The following PIK3C2G variants were observed in gnomAD, a reference collection of about 807,000 sequenced individuals.
PIK3C2G encodes phosphatidylinositol 3-kinase C2 domain-containing subunit gamma.
A neutral mutation model predicts 181.1 loss-of-function variants in PIK3C2G; 168 were observed. That is an observed-to-expected ratio of 0.93 (90% CI 0.82 to 1.05). The LOEUF (loss-of-function observed/expected upper bound fraction) is 1.05. Ranked by LOEUF, PIK3C2G falls within the 50% of genes least tolerant of loss-of-function variation. The pLI is 0.00. For synonymous variants in PIK3C2G, 573 were observed against 592.2 expected, an observed-to-expected ratio of 0.97 and a Z score of 0.47; for missense variants, 1,869 against 1,732.8, an observed-to-expected ratio of 1.08 and a Z score of -1.40.
chr12:18,539,707 T>C (rs189993448), intron 25 of PIK3C2G, among the ~76,000 whole-genome samples: 3 of 151,924 alleles, frequency 2.0e-5, no homozygotes, highest in East Asian at 3.9e-4. Flanking sequence ...AAGATTTGAT[T>C]TGGATTCTTG....
At chr12:18,325,854 C>T (rs1951323849) in intron 8 of PIK3C2G, among the ~76,000 whole-genome samples, 1 of 151,890 alleles carries the variant, frequency 6.6e-6, no homozygotes, top group African/African-American at 2.4e-5. Context: ...CAGACAGGGG[C>T]CAAATTATGT....
chr12:18,543,337 G>A (rs1007725810), intron 25 of PIK3C2G, among the ~76,000 whole-genome samples: 1 of 151,784 alleles, frequency 6.6e-6, no homozygotes, highest in African/African-American at 2.4e-5. Context: ...TCGTTCTGTA[G>A]GTTGCCCGTT....
chr12:18,491,730 G>A (rs1940590588), intron 20 of PIK3C2G, among the ~76,000 whole-genome samples, 172 bp downstream of exon 20: 1 of 151,730 alleles, frequency 6.6e-6, no homozygotes, highest in African/African-American at 2.4e-5. Flanking sequence ...ACTAAGACCA[G>A]TTGGGATCAC....
chr12:18,296,705 GACTC>G (rs768262436), intron 5 of PIK3C2G, among the ~76,000 whole-genome samples: 50 of 151,612 alleles, frequency 3.3e-4, no homozygotes, highest in Non-Finnish European at 6.0e-4. Context: ...AAAATATCCC[GACTC>G]ACTCATTCTT....
At chr12:18,494,466 T>A (rs1356653413) in intron 20 of PIK3C2G, among the ~76,000 whole-genome samples, 1 of 152,078 alleles carries the variant, frequency 6.6e-6, no homozygotes, top group Non-Finnish European at 1.5e-5. Context: ...GGAGATGTAG[T>A]GTTTCTTTTT....
chr12:18,702,039 G>A, the PIK3C2G span, among the ~76,000 whole-genome samples: 2 of 151,438 alleles, frequency 1.3e-5, no homozygotes, highest in African/African-American at 4.9e-5. Flanking sequence ...TTCCCAAGTT[G>A]GTACTATTCC....
Position 18,311,497 on chromosome 12 carries a change from C to A in PIK3C2G, c.1035-2465C>A, listed in dbSNP as rs1950634807. On this transcript the variant is annotated intron_variant, in intron 5 of 32. Transcript: ENST00000538779. ...ATATATCTCTATCTATATAGATAGA[C>A]ACACACATATATACACCTATATGGT... Among the ~76,000 whole-genome samples, 3 of 150,804 alleles carry A rather than the reference C, an allele frequency of 2.0e-5. No individual in the cohort carries two copies. In the South Asian group the frequency reaches 6.3e-4, roughly 32 times the overall value.
At chr12:18,485,100 TTC>T (rs1212920311) in intron 18 of PIK3C2G, among the ~76,000 whole-genome samples, 1 of 152,110 alleles carries the variant, frequency 6.6e-6, no homozygotes, top group East Asian at 1.9e-4. Flanking sequence ...GTGAGTAAAA[TTC>T]TAGGACAGTC....
rs766766387 is a variant in PIK3C2G, at chr12:18,614,437, C to T, written c.4182+4808C>T. On this transcript the variant is annotated intron_variant, in intron 31 of 32. Transcript: ENST00000538779. The stretch of plus-strand genomic sequence containing the variant: ...CAGCTAACAAACACCTTTAACTAGC[C>T]CTTCCTTTTTGAACATTTTGTTACC... 5.3e-5 allele frequency among the ~76,000 whole-genome samples: 8 copies of T among 152,026 alleles called. 1 individual carries two copies. Among genetic ancestry groups the T allele is most frequent in the Non-Finnish European group, 1.2e-4 (8 of 67,986 alleles).
intron 15 of PIK3C2G, among the ~76,000 whole-genome samples, chr12:18,398,390 C>A (rs538340026): frequency 6.6e-5 from 10 of 152,042 alleles, no homozygotes; most frequent in Non-Finnish European, 1.5e-4. Flanking sequence ...AAAAAAGGAA[C>A]CTAACCACAC....
the PIK3C2G span, among the ~76,000 whole-genome samples, chr12:18,663,521 G>A: frequency 2.0e-5 from 3 of 152,026 alleles, no homozygotes; most frequent in Non-Finnish European, 4.4e-5. Context: ...AACTTCTGTG[G>A]ATTTTGATAT....
At chr12:18,610,283 C>T (rs1490421991) in intron 31 of PIK3C2G, among the ~76,000 whole-genome samples, 2 of 152,076 alleles carry the variant, frequency 1.3e-5, no homozygotes, top group African/African-American at 4.8e-5. Flanking sequence ...GGGTTCTCCA[C>T]GTGGTATAAC....
rs183781532 is a variant in PIK3C2G at position 18,353,817 on chromosome 12, A to G, written c.1625+6981A>G. Among the ~76,000 whole-genome samples the G allele has an allele frequency of 3.9e-3, 599 of 152,324 alleles. 1 individual carries two copies. Among genetic ancestry groups the G allele is most frequent in the African/African-American group, 0.014 (563 of 41,568 alleles). On this transcript the variant is annotated intron_variant, in intron 11 of 32. Transcript: ENST00000538779. The stretch of plus-strand genomic sequence containing the variant: ...TTTACCAAGGCCTCTCAGCCTTTCC[A>G]GAAAGGCAGTGGGATTCTCATCAAA...
rs758340301 is a variant in PIK3C2G, at chr12:18,346,828, G to C, written c.1617G>C (p.Trp539Cys). ...VYAAHNIPETWVHSYKAFSFT... is the reference protein window; with the variant it reads ...VYAAHNIPETCVHSYKAFSFT... ...CAGCACACAACATTCCAGAAACCTGGGTGCACAGGTGAGTGGTGGTGAGTT... is the reference window on the plus strand; with the variant it reads ...CAGCACACAACATTCCAGAAACCTGCGTGCACAGGTGAGTGGTGGTGAGTT... Residue 539 changes from tryptophan (W) to cysteine (C), a missense_variant, in exon 11 of 33, where the codon TGG becomes TGC. By Grantham distance (215) the Trp-to-Cys change is radical (BLOSUM62 -2). Transcript: ENST00000538779. 6.2e-7 allele frequency: 1 copy of C among 1,606,086 alleles called. No individual in the cohort carries two copies. The highest frequency in any genetic ancestry group is 2.2e-5 in the East Asian group (1 of 44,546).
chr12:18,337,723 G>A (rs1334444691), intron 8 of PIK3C2G, among the ~76,000 whole-genome samples: 2 of 152,120 alleles, frequency 1.3e-5, no homozygotes, highest in East Asian at 1.9e-4. Context: ...AGAGGGATCC[G>A]CCCTGTGACC....
At chr12:18,291,105 A>G (rs765815479) in intron 4 of PIK3C2G, 93 bp downstream of exon 4, 37 of 679,736 alleles carry the variant, frequency 5.4e-5, no homozygotes, top group Admixed American at 1.9e-4. Context: ...TTAAAAAATA[A>G]TATTAGCTAC....
downstream of PIK3C2G, among the ~76,000 whole-genome samples, chr12:18,653,195 G>A (rs1950594573): frequency 1.3e-5 from 2 of 152,162 alleles, no homozygotes; most frequent in African/African-American, 4.8e-5. Flanking sequence ...AGCATTGGCA[G>A]CATGGTTTGG....
rs1210544419 is a variant in PIK3C2G, at chr12:18,559,855, GAGAGAGAGAGAC to G, written c.3591-2845_3591-2834del. Among the ~76,000 whole-genome samples, 283 of 131,984 alleles carry G rather than the reference GAGAGAGAGAGAC, an allele frequency of 2.1e-3. 2 individuals carry two copies. The highest frequency in any genetic ancestry group is 7.5e-3 in the African/African-American group (265 of 35,554). 86.6% of individuals were successfully genotyped at this position (131,984 alleles called of 152,430 possible). On this transcript the variant is annotated intron_variant, in intron 26 of 32. Transcript: ENST00000538779. ...AGAGAGAGAGAGAGAGAGAGAGAGA[GAGAGAGAGAGAC>G]AGTTTTGCTCTTGTTGCCTAGGCTG...
intron 26 of PIK3C2G, among the ~76,000 whole-genome samples, chr12:18,553,507 G>C (rs1944844467): frequency 6.6e-6 from 1 of 152,056 alleles, no homozygotes; most frequent in African/African-American, 2.4e-5. Flanking sequence ...TAAAACTCTT[G>C]TTTGAATGCA....
Sources: allele counts gnomAD v4.1 joint callset (sites outside exome capture counted in the v4.1 genomes callset), GRCh38; gene constraint gnomAD v4.1.1; transcripts MANE v1.5; gene names NCBI Gene and HGNC (gene_info 2026-07-23, HGNC 2026-07-21).